Variants in PMPCB observed in about 807,000 individuals in gnomAD.
The protein encoded by PMPCB is peptidase, mitochondrial processing subunit beta.
In PMPCB, 46 loss-of-function variants were observed where a neutral mutation model predicts 61.5. The ratio of observed to expected loss-of-function variants is 0.75; its 90% CI spans 0.59 to 0.96. PMPCB has a LOEUF of 0.96. PMPCB is among the 40% of genes least tolerant of loss of function. PMPCB has a pLI of 0.00. For synonymous variants in PMPCB, 191 were observed against 201.6 expected, an observed-to-expected ratio of 0.95 and a Z score of 0.44; for missense variants, 590 against 602.4, an observed-to-expected ratio of 0.98 and a Z score of 0.22.
rs1563442431 is a variant in PMPCB, at chr7:103,297,440, C to T, written c.-20C>T. ...ACCCCGGAAGCACATCCTTCATCCTCTACCTTCCTTCTAGCAGAAATGGCG... is the reference window on the plus strand; with the variant it reads ...ACCCCGGAAGCACATCCTTCATCCTTTACCTTCCTTCTAGCAGAAATGGCG... On this transcript the variant is annotated 5_prime_UTR_variant, in exon 1 of 13. Coordinates refer to ENST00000249269, the MANE Select transcript of PMPCB (RefSeq NM_004279.3). The T allele has an allele frequency of 6.5e-7, 1 of 1,538,914 alleles. No individual in the cohort carries two copies. Among genetic ancestry groups the T allele is most frequent in the South Asian group, 1.3e-5 (1 of 79,270 alleles).
At chr7:103,299,710 C>T (rs572948715) in intron 3 of PMPCB, among the ~76,000 whole-genome samples, 181 bp downstream of exon 3, 1 of 152,292 alleles carries the variant, frequency 6.6e-6, no homozygotes, top group Non-Finnish European at 1.5e-5. Flanking sequence ...AAAACTTTCT[C>T]TTGGGATGCA....
At chr7:103,344,431 CACGGCCCCAT>C in the PMPCB span, 2 of 1,030,610 alleles carry the variant, frequency 1.9e-6, no homozygotes, top group Non-Finnish European at 3.0e-6. Context: ...AGGCACTCGT[CACGGCCCCAT>C]ACGGCCCCGG....
downstream of PMPCB, among the ~76,000 whole-genome samples, chr7:103,334,110 C>G (rs942039079): frequency 2.0e-5 from 3 of 152,050 alleles, no homozygotes; most frequent in Non-Finnish European, 4.4e-5. Context: ...GCCACCACGC[C>G]CAGCTGATAT....
intron 8 of PMPCB, 157 bp downstream of exon 8, chr7:103,309,252 T>C (rs911001170): frequency 1.8e-6 from 1 of 569,482 alleles, no homozygotes; most frequent in Middle Eastern, 5.1e-4. Context: ...GGATTGCATG[T>C]GGGCCAGAAA....
At chr7:103,328,373 G>A (rs1818818637) in intron 12 of PMPCB, among the ~76,000 whole-genome samples, 1 of 151,930 alleles carries the variant, frequency 6.6e-6, no homozygotes, top group Non-Finnish European at 1.5e-5. Flanking sequence ...GCTCATGCTT[G>A]TAATCCCAGC....
At chr7:103,321,876 T>C (rs1818440714) in intron 12 of PMPCB, 1 of 1,549,326 alleles carries the variant, frequency 6.5e-7, no homozygotes, top group South Asian at 1.2e-5. Flanking sequence ...AGAAGTATTT[T>C]TGCTTAATAA....
downstream of PMPCB, chr7:103,317,128 C>A (rs1433067786): frequency 1.2e-5 from 11 of 933,130 alleles, no homozygotes; most frequent in South Asian, 1.5e-4. Context: ...TCACTCTGAC[C>A]CCATACTCCT....
intron 12 of PMPCB, among the ~76,000 whole-genome samples, chr7:103,321,014 A>G (rs1266943329): frequency 1.3e-5 from 2 of 151,860 alleles, no homozygotes; most frequent in Non-Finnish European, 2.9e-5. Flanking sequence ...CCTGGCCAAC[A>G]TGGTGAAACC....
chr7:103,306,022 A>G (rs900227717), intron 6 of PMPCB, among the ~76,000 whole-genome samples: 1 of 152,228 alleles, frequency 6.6e-6, no homozygotes, highest in Non-Finnish European at 1.5e-5. Flanking sequence ...CTTATAGATT[A>G]ATTAGTATTC....
downstream of PMPCB, chr7:103,315,851 T>C (rs766941431): frequency 1.9e-6 from 3 of 1,613,338 alleles, no homozygotes; most frequent in South Asian, 1.1e-5. Flanking sequence ...TTTTTATTTA[T>C]GTCATCTTTT....
At chr7:103,337,968 T>A in the PMPCB span, among the ~76,000 whole-genome samples, 1 of 152,106 alleles carries the variant, frequency 6.6e-6, no homozygotes, top group East Asian at 1.9e-4. Context: ...TCAGGTAAGG[T>A]TGAGAAATGT....
chr7:103,299,076 G>C (rs1048032182), intron 2 of PMPCB, among the ~76,000 whole-genome samples: 1 of 152,182 alleles, frequency 6.6e-6, no homozygotes, highest in African/African-American at 2.4e-5. Context: ...TATAGTTAAG[G>C]AAGTGAGAGA....
At chr7:103,315,815 G>A, downstream of PMPCB, 1 of 1,613,650 alleles carries the variant, frequency 6.2e-7, no homozygotes, top group Non-Finnish European at 8.5e-7. Flanking sequence ...ACCACTCCAT[G>A]TTCTTTTTTG....
intron 4 of PMPCB, among the ~76,000 whole-genome samples, chr7:103,302,196 A>G (rs889437184): frequency 2.0e-5 from 3 of 152,142 alleles, no homozygotes; most frequent in African/African-American, 7.2e-5. Flanking sequence ...AATCCAGTCT[A>G]TCATTGATGG....
intron 12 of PMPCB, among the ~76,000 whole-genome samples, chr7:103,323,964 AGG>A (rs1450136554): frequency 6.6e-6 from 1 of 152,194 alleles, no homozygotes; most frequent in Non-Finnish European, 1.5e-5. Context: ...TCAAGTCTGA[AGG>A]TAACCCTAGT....
At chr7:103,316,570 CCAACATAAAT>C, downstream of PMPCB, 1 of 421,248 alleles carries the variant, frequency 2.4e-6, no homozygotes, top group Non-Finnish European at 4.2e-6. Flanking sequence ...ACAGAGTAAG[CCAACATAAAT>C]CAAGACTTGT....
chr7:103,311,961 ATG>A, intron 11 of PMPCB, 65 bp downstream of exon 11: 1 of 1,517,992 alleles, frequency 6.6e-7, no homozygotes, highest in Non-Finnish European at 9.0e-7. Context: ...AGCTGAGAAT[ATG>A]TATCTTTCAT....
At chr7:103,326,433 G>T in intron 12 of PMPCB, 1 of 1,112,986 alleles carries the variant, frequency 9.0e-7, no homozygotes, top group Non-Finnish European at 1.3e-6. Context: ...AAGAGACAGT[G>T]GAAATAATCT....
At chr7:103,334,955 G>A in the PMPCB span, among the ~76,000 whole-genome samples, 8 of 152,034 alleles carry the variant, frequency 5.3e-5, no homozygotes, top group South Asian at 6.2e-4. Flanking sequence ...TGCCGCAGCC[G>A]CCCAAGTAGC....
Sources: gnomAD v4.1 joint callset for allele counts (sites outside exome capture counted in the v4.1 genomes callset) on GRCh38, gnomAD v4.1.1 for gene constraint, MANE v1.5 for transcripts, NCBI Gene and HGNC (gene_info 2026-07-23, HGNC 2026-07-21) for gene names.